RAP1GAP2: variants seen among roughly 807,000 people sequenced by gnomAD.
RAP1GAP2 encodes rap1 GTPase-activating protein 2.
A neutral mutation model predicts 95.0 loss-of-function variants in RAP1GAP2; 27 were observed. The observed-to-expected ratio is 0.28, with a 90% CI of 0.21 to 0.39. The LOEUF (loss-of-function observed/expected upper bound fraction) is 0.39. Among genes scored for constraint, RAP1GAP2 ranks in the 10% least tolerant of loss-of-function variants. The probability of loss-of-function intolerance (pLI) is 1.00; values close to 1 mark genes in which losing one functional copy is unlikely to be tolerated. For missense variants in RAP1GAP2, 771 were observed against 970.0 expected, an observed-to-expected ratio of 0.79 and a Z score of 2.72; for synonymous variants, 373 against 380.9, an observed-to-expected ratio of 0.98 and a Z score of 0.24.
intron 3 of RAP1GAP2, among the ~76,000 whole-genome samples, chr17:2,955,920 G>A (rs922297107): frequency 3.3e-5 from 5 of 152,170 alleles, no homozygotes; most frequent in African/African-American, 4.8e-5. Context: ...TAGAAACGAT[G>A]CTGCAGTGAA....
intron 2 of RAP1GAP2, among the ~76,000 whole-genome samples, chr17:2,849,680 G>A (rs1008242693): frequency 6.6e-6 from 1 of 152,238 alleles, no homozygotes. Flanking sequence ...CGGGCACTTT[G>A]TTCTCTGGGA....
At chr17:2,864,657 G>A (rs1034154163) in intron 2 of RAP1GAP2, among the ~76,000 whole-genome samples, 1 of 152,212 alleles carries the variant, frequency 6.6e-6, no homozygotes, top group Non-Finnish European at 1.5e-5. Flanking sequence ...ACAGAGGCTG[G>A]GGGTTGCATC....
chr17:2,800,222 G>A, intron 1 of RAP1GAP2: 1 of 985,372 alleles, frequency 1.0e-6, no homozygotes, highest in African/African-American at 1.7e-5. Flanking sequence ...CCTGACGTGA[G>A]ATACCTGAAT....
At chr17:2,994,702 G>A (rs1312775155) in intron 12 of RAP1GAP2, among the ~76,000 whole-genome samples, 1 of 152,240 alleles carries the variant, frequency 6.6e-6, no homozygotes, top group Non-Finnish European at 1.5e-5. Flanking sequence ...GAATGGCACC[G>A]GGGATGGGCA....
intron 4 of RAP1GAP2, among the ~76,000 whole-genome samples, chr17:2,960,024 C>T (rs1386785302): frequency 6.8e-6 from 1 of 147,362 alleles, no homozygotes. Flanking sequence ...ACTTGGGAGG[C>T]TGAGGCAGGG....
At chr17:2,920,175 TA>T (rs1001863676) in intron 3 of RAP1GAP2, among the ~76,000 whole-genome samples, 4 of 152,182 alleles carry the variant, frequency 2.6e-5, no homozygotes, top group Admixed American at 2.0e-4. Context: ...CTGCTAGGCT[TA>T]AAAAAAATTT....
intron 2 of RAP1GAP2, among the ~76,000 whole-genome samples, chr17:2,801,537 T>G (rs1385581612): frequency 6.6e-6 from 1 of 151,344 alleles, no homozygotes; most frequent in South Asian, 2.1e-4. Flanking sequence ...GAACTCCCAA[T>G]CCTGGCAGTG....
chr17:2,822,055 G>T (rs2070328582), intron 2 of RAP1GAP2, among the ~76,000 whole-genome samples: 1 of 152,166 alleles, frequency 6.6e-6, no homozygotes, highest in African/African-American at 2.4e-5. Flanking sequence ...CTGGGGCAGT[G>T]AGGATTTCAG....
At chr17:2,957,718 G>A in intron 3 of RAP1GAP2, 41 bp from the exon 4 acceptor site, 2 of 1,598,332 alleles carry the variant, frequency 1.3e-6, no homozygotes, top group Non-Finnish European at 1.7e-6. Flanking sequence ...GGACCTCCCG[G>A]CTGATCCCTG....
intron 2 of RAP1GAP2, among the ~76,000 whole-genome samples, chr17:2,810,956 C>T (rs947998469): frequency 3.3e-5 from 5 of 152,060 alleles, no homozygotes; most frequent in Non-Finnish European, 7.3e-5. Context: ...TATTGTAGTA[C>T]AACTTTGCTC....
At chr17:2,897,716 G>A (rs1359405220) in intron 2 of RAP1GAP2, among the ~76,000 whole-genome samples, 1 of 151,988 alleles carries the variant, frequency 6.6e-6, no homozygotes, top group African/African-American at 2.4e-5. Context: ...ATTTGGAAGT[G>A]GGGCCTCTTC....
chr17:2,920,065 T>G (rs1287426086), intron 3 of RAP1GAP2, among the ~76,000 whole-genome samples: 1 of 148,664 alleles, frequency 6.7e-6, no homozygotes, highest in African/African-American at 2.5e-5. Context: ...AGTACAGTGG[T>G]GCGATCAGGG....
At chr17:2,931,621 G>A (rs76427122) in intron 3 of RAP1GAP2, among the ~76,000 whole-genome samples, 40 of 152,338 alleles carry the variant, frequency 2.6e-4, no homozygotes, top group African/African-American at 8.7e-4. Context: ...GCCCCCATGC[G>A]GTTGTTCATG....
chr17:2,808,469 C>G (rs934191899), intron 2 of RAP1GAP2, among the ~76,000 whole-genome samples: 1 of 152,190 alleles, frequency 6.6e-6, no homozygotes, highest in African/African-American at 2.4e-5. Flanking sequence ...TGAGACCCAC[C>G]ATATACCTCC....
At chr17:2,777,661 G>GTT (rs2068534234) in intron 1 of RAP1GAP2, among the ~76,000 whole-genome samples, 1 of 152,180 alleles carries the variant, frequency 6.6e-6, no homozygotes, top group African/African-American at 2.4e-5. Flanking sequence ...CCTCTCATTT[G>GTT]TTTTCTATAG....
At chr17:2,991,000 A>G (rs769192171) in intron 11 of RAP1GAP2, among the ~76,000 whole-genome samples, 79 of 151,882 alleles carry the variant, frequency 5.2e-4, no homozygotes, top group Non-Finnish European at 1.0e-3. Flanking sequence ...ACCCACCACC[A>G]TGCCCAGTTA....
At chr17:2,809,559 GC>G (rs1361055870) in intron 2 of RAP1GAP2, among the ~76,000 whole-genome samples, 3 of 152,210 alleles carry the variant, frequency 2.0e-5, no homozygotes, top group Non-Finnish European at 4.4e-5. Context: ...CAGGCCTCTG[GC>G]CATGCACTTG....
At chr17:2,809,873 G>A (rs7223608) in intron 2 of RAP1GAP2, among the ~76,000 whole-genome samples, 32,583 of 152,122 alleles carry the variant, frequency 0.21, 3,832 homozygotes, top group Admixed American at 0.34. Context: ...CTCAGGGGCC[G>A]TACAGAGACG....
Position 2,870,726 on chromosome 17 carries a change from C to T in RAP1GAP2, c.81-34558C>T, listed in dbSNP as rs1009135358. Among the ~76,000 whole-genome samples the T allele has an allele frequency of 6.6e-6, 1 of 152,066 alleles. No individual in the cohort carries two copies. The highest frequency in any genetic ancestry group is 1.5e-5 in the Non-Finnish European group (1 of 68,012). ...ACCCTTGGTGGCAAGTGACAGAGGC[C>T]CATCTTGAATTAGCCAAACAAAATA... is the stretch of plus-strand genomic sequence containing the variant. On this transcript the variant is annotated intron_variant, in intron 2 of 24. Coordinates refer to ENST00000254695, the MANE Select transcript of RAP1GAP2 (RefSeq NM_015085.5). This position sits in a 1 kb window ranked among gnomAD's most constrained non-coding sequence, Gnocchi z 4.4.
Sources: gnomAD v4.1 joint callset for allele counts (sites outside exome capture counted in the v4.1 genomes callset) on GRCh38, gnomAD v4.1.1 for gene constraint, Gnocchi (gnomAD v3.1) non-coding constraint, MANE v1.5 for transcripts, NCBI Gene and HGNC (gene_info 2026-07-23, HGNC 2026-07-21) for gene names.